The following DOCK10 variants were observed in gnomAD, a reference collection of about 807,000 sequenced individuals.
DOCK10 encodes dedicator of cytokinesis 10.
DOCK10 carries 145 observed loss-of-function variants against 280.1 expected under a neutral mutation model. That is an observed-to-expected ratio of 0.52 (90% CI 0.45 to 0.59). The LOEUF (loss-of-function observed/expected upper bound fraction) is 0.59, where lower values mean the gene tolerates loss of function less well. Ranked by LOEUF, DOCK10 falls within the 20% of genes least tolerant of loss-of-function variation. DOCK10 has a pLI of 0.00. For missense variants in DOCK10, 2,368 were observed against 2,651.7 expected (o/e 0.89, Z 2.35); for synonymous variants, 915 against 942.2 (o/e 0.97, Z 0.53).
chr2:225,012,835 A>C (rs961417447), intron 1 of DOCK10, among the ~76,000 whole-genome samples: 4 of 152,224 alleles, frequency 2.6e-5, no homozygotes, highest in African/African-American at 9.6e-5. Flanking sequence ...ATTAAAGCCC[A>C]GGAAGGTCCT....
rs112225447 is a variant in DOCK10 at position 224,817,191 on chromosome 2, C to T, written c.3268-478G>A. 3.7e-3 allele frequency among the ~76,000 whole-genome samples: 570 copies of T among 152,322 alleles called. 2 individuals carry two copies. The highest frequency in any genetic ancestry group is 0.013 in the African/African-American group (546 of 41,572). On this transcript the variant is annotated intron_variant, in intron 29 of 55. Coordinates refer to ENST00000258390, the MANE Select transcript of DOCK10 (RefSeq NM_014689.3). ...TGAAACCCTGTATGCCACATGTTCTCATAGTACATTAATTAATTCGTCTTT... is the reference window on the plus strand; with the variant it reads ...TGAAACCCTGTATGCCACATGTTCTTATAGTACATTAATTAATTCGTCTTT...
chr2:224,782,697 A>T (rs929129171), intron 50 of DOCK10, among the ~76,000 whole-genome samples: 1 of 152,174 alleles, frequency 6.6e-6, no homozygotes, highest in Non-Finnish European at 1.5e-5. Flanking sequence ...AGTATTAAAT[A>T]CCCCAGCCAA....
At chr2:224,966,277 T>C (rs770835674) in intron 1 of DOCK10, among the ~76,000 whole-genome samples, 48 of 151,258 alleles carry the variant, frequency 3.2e-4, no homozygotes, top group Non-Finnish European at 5.6e-4. Context: ...GAAAGCACAA[T>C]TGGATGGTGC....
intron 1 of DOCK10, among the ~76,000 whole-genome samples, chr2:224,938,248 C>T (rs1015264795): frequency 8.5e-5 from 13 of 152,292 alleles, no homozygotes; most frequent in South Asian, 2.1e-4. Context: ...TCTTCCTCAG[C>T]CAGCACTGTT....
intron 31 of DOCK10, among the ~76,000 whole-genome samples, chr2:224,812,367 C>T (rs1006373519): frequency 4.6e-5 from 7 of 152,262 alleles, no homozygotes; most frequent in African/African-American, 9.6e-5. Context: ...AGTTGCTTAT[C>T]AGATTGAGGA....
At chr2:225,008,882 C>A (rs746739514) in intron 1 of DOCK10, among the ~76,000 whole-genome samples, 19 of 152,224 alleles carry the variant, frequency 1.2e-4, no homozygotes, top group Non-Finnish European at 2.2e-4. Flanking sequence ...CCTGAACAAA[C>A]AGCCACAGTT....
chr2:224,931,757 T>C (rs890937915), intron 1 of DOCK10, 89 bp from the exon 2 acceptor site: 40 of 1,423,690 alleles, frequency 2.8e-5, no homozygotes, highest in Non-Finnish European at 3.7e-5. Context: ...TAGTTATCAT[T>C]GAGGCTTTAA....
At chr2:224,819,121 G>A (rs149844127) in intron 29 of DOCK10, among the ~76,000 whole-genome samples, 393 of 152,286 alleles carry the variant, frequency 2.6e-3, no homozygotes, top group African/African-American at 9.2e-3. Flanking sequence ...AGGTTTCCAG[G>A]GAAGTAGGAC....
intron 1 of DOCK10, among the ~76,000 whole-genome samples, chr2:224,941,604 A>G (rs1460133431): frequency 6.6e-6 from 1 of 152,066 alleles, no homozygotes; most frequent in African/African-American, 2.4e-5. Flanking sequence ...AGAACGTTGG[A>G]AGGCCAAGGT....
At chr2:224,980,861 G>T (rs1705709851) in intron 1 of DOCK10, among the ~76,000 whole-genome samples, 2 of 151,922 alleles carry the variant, frequency 1.3e-5, no homozygotes, top group Admixed American at 6.6e-5. Context: ...ATCAATAAAG[G>T]TATTATATAA....
chr2:224,963,076 C>T (rs913028748), intron 1 of DOCK10, among the ~76,000 whole-genome samples: 4 of 152,170 alleles, frequency 2.6e-5, no homozygotes, highest in African/African-American at 9.7e-5. Context: ...GTTGTCCAAG[C>T]TGAGTGGTGG....
At chr2:225,004,762 C>G (rs946921302) in intron 1 of DOCK10, among the ~76,000 whole-genome samples, 2 of 152,218 alleles carry the variant, frequency 1.3e-5, no homozygotes, top group Non-Finnish European at 2.9e-5. Flanking sequence ...AATTTCAGAG[C>G]AGGCTCTCCC....
intron 55 of DOCK10, among the ~76,000 whole-genome samples, chr2:224,766,521 C>T (rs1690085593): frequency 6.6e-6 from 1 of 152,180 alleles, no homozygotes; most frequent in African/African-American, 2.4e-5. Flanking sequence ...CCTATACTAC[C>T]AATAAATTCT....
chr2:224,777,226 A>G (rs1690938168), intron 51 of DOCK10, among the ~76,000 whole-genome samples: 1 of 152,220 alleles, frequency 6.6e-6, no homozygotes, highest in Admixed American at 6.5e-5. Context: ...ATGTAATGTA[A>G]AGTATGGCGT....
At chr2:224,832,065 A>G (rs1388049459) in intron 26 of DOCK10, among the ~76,000 whole-genome samples, 1 of 152,128 alleles carries the variant, frequency 6.6e-6, no homozygotes, top group African/African-American at 2.4e-5. Context: ...TCAGCTACAA[A>G]AAGTCATATT....
At chr2:224,923,542 T>C (rs1030880449) in intron 2 of DOCK10, among the ~76,000 whole-genome samples, 2 of 152,148 alleles carry the variant, frequency 1.3e-5, no homozygotes, top group African/African-American at 4.8e-5. Context: ...TGGTCTGAGT[T>C]TACCATCCAA....
intron 22 of DOCK10, 96 bp from the exon 23 acceptor site, chr2:224,841,992 T>A (rs534777160): frequency 2.3e-6 from 2 of 870,158 alleles, no homozygotes; most frequent in Admixed American, 3.7e-5. Context: ...TTCTGTAGGA[T>A]TGATGCCTCG....
intron 1 of DOCK10, among the ~76,000 whole-genome samples, chr2:224,982,986 G>C (rs1048541605): frequency 5.9e-5 from 9 of 152,146 alleles, no homozygotes; most frequent in Non-Finnish European, 1.0e-4. Context: ...CTGAGTGAGA[G>C]ACACCAGTGT....
chr2:224,776,836 A>G (rs1690898207), intron 51 of DOCK10, among the ~76,000 whole-genome samples: 1 of 152,194 alleles, frequency 6.6e-6, no homozygotes, highest in Non-Finnish European at 1.5e-5. Flanking sequence ...TGCTTCCAGA[A>G]AACTAACTCA....
Sources: gnomAD v4.1 joint callset for allele counts (sites outside exome capture counted in the v4.1 genomes callset) on GRCh38, gnomAD v4.1.1 for gene constraint, MANE v1.5 for transcripts, NCBI Gene and HGNC (gene_info 2026-07-23, HGNC 2026-07-21) for gene names.